Variants in MMP16 observed in about 807,000 individuals in gnomAD.
MMP16 encodes matrix metallopeptidase 16.
A neutral mutation model predicts 67.8 loss-of-function variants in MMP16; 12 were observed. That is an observed-to-expected ratio of 0.18 (90% CI 0.11 to 0.29). The LOEUF (loss-of-function observed/expected upper bound fraction) is 0.29, where lower values mean the gene tolerates loss of function less well. Ranked by LOEUF, MMP16 falls within the 10% of genes least tolerant of loss-of-function variation. The pLI is 1.00. For missense variants in MMP16, 475 were observed against 765.7 expected, an observed-to-expected ratio of 0.62 and a Z score of 4.48; for synonymous variants, 249 against 255.9, an observed-to-expected ratio of 0.97 and a Z score of 0.26.
chr8:88,192,052 A>C (rs1191715127), intron 2 of MMP16, among the ~76,000 whole-genome samples: 3 of 152,192 alleles, frequency 2.0e-5, no homozygotes, highest in African/African-American at 7.2e-5. Context: ...CCATACTTTC[A>C]CAAGTTTTAG....
intron 1 of MMP16, among the ~76,000 whole-genome samples, chr8:88,312,419 A>G (rs907497525): frequency 1.3e-5 from 2 of 152,178 alleles, no homozygotes; most frequent in African/African-American, 4.8e-5. Flanking sequence ...TTGGTTACTA[A>G]GAACCGGATT....
At chr8:88,082,750 G>T (rs966334055) in intron 6 of MMP16, among the ~76,000 whole-genome samples, 1 of 151,836 alleles carries the variant, frequency 6.6e-6, no homozygotes, top group East Asian at 1.9e-4. Context: ...ATGCAGGACA[G>T]ATTTCTCAGA....
At chr8:88,264,035 T>G (rs1190156179) in intron 1 of MMP16, among the ~76,000 whole-genome samples, 1 of 6,890 alleles carries the variant, frequency 1.5e-4, no homozygotes, top group Non-Finnish European at 6.7e-4. Flanking sequence ...AAATGGCACA[T>G]ATATATATAT....
At chr8:88,155,233 A>T (rs930113644) in intron 4 of MMP16, among the ~76,000 whole-genome samples, 14 of 152,092 alleles carry the variant, frequency 9.2e-5, no homozygotes, top group African/African-American at 3.4e-4. Context: ...GAATACTTTA[A>T]AACTACAGAT....
rs746220106 is a variant in MMP16 at position 88,327,215 on chromosome 8, G to A, written c.-9C>T. ...AATGTGAGTAAGATCATAGTGAACT[G>A]TGCTTCAATGGATGGACGAGCTCCC... On this transcript the variant is annotated 5_prime_UTR_variant, in exon 1 of 10. Coordinates refer to ENST00000286614, the MANE Select transcript of MMP16 (RefSeq NM_005941.5). The A allele has an allele frequency of 2.0e-5, 32 of 1,613,644 alleles. No individual in the cohort carries two copies. The highest frequency in any genetic ancestry group is 1.6e-4 in the Middle Eastern group (1 of 6,082).
At chr8:88,120,713 T>G (rs1209546528) in intron 4 of MMP16, among the ~76,000 whole-genome samples, 1 of 151,966 alleles carries the variant, frequency 6.6e-6, no homozygotes, top group Non-Finnish European at 1.5e-5. Context: ...ACACATGAAC[T>G]CAGTCAGAAG....
chr8:88,148,229 C>A (rs571690319), intron 4 of MMP16, among the ~76,000 whole-genome samples: 1 of 151,854 alleles, frequency 6.6e-6, no homozygotes, highest in Non-Finnish European at 1.5e-5. Context: ...CCATTTTTTC[C>A]TTTTTAAAGA....
intron 1 of MMP16, among the ~76,000 whole-genome samples, chr8:88,253,196 CTT>C (rs33965590): frequency 0.5 from 75,111 of 151,696 alleles, 20,419 homozygotes; most frequent in Non-Finnish European, 0.63. Context: ...TTAGACAACA[CTT>C]AATATTATTC....
chr8:88,262,509 T>G lies in MMP16; in HGVS notation c.132+64566A>C, dbSNP rs535733340. 7.9e-5 allele frequency among the ~76,000 whole-genome samples: 12 copies of G among 152,318 alleles called. No individual in the cohort carries two copies. In the East Asian group the frequency reaches 1.7e-3, roughly 22 times the overall value. ...TAGGCAGCAAGTACACACTTGAGGC[T>G]CCTCGCTAGCAGTATTGCTTACTAC... is the stretch of plus-strand genomic sequence containing the variant. On this transcript the variant is annotated intron_variant, in intron 1 of 9. Coordinates refer to ENST00000286614, the MANE Select transcript of MMP16 (RefSeq NM_005941.5).
intron 3 of MMP16, among the ~76,000 whole-genome samples, chr8:88,173,919 C>T (rs1422512654): frequency 1.3e-5 from 2 of 152,120 alleles, no homozygotes; most frequent in Non-Finnish European, 2.9e-5. Context: ...TAAGTGGGTT[C>T]TGCTTTTTCA....
At chr8:88,168,775 G>GA (rs978492189) in intron 3 of MMP16, among the ~76,000 whole-genome samples, 26 of 151,920 alleles carry the variant, frequency 1.7e-4, no homozygotes, top group African/African-American at 5.8e-4. Flanking sequence ...GCATGCATGT[G>GA]AAAAAAATGG....
At chr8:88,070,176 T>C (rs1808528541) in intron 7 of MMP16, among the ~76,000 whole-genome samples, 1 of 152,166 alleles carries the variant, frequency 6.6e-6, no homozygotes, top group Non-Finnish European at 1.5e-5. Context: ...TCCTGATCTT[T>C]TGGGGTATGC....
At chr8:88,198,577 A>G (rs1044402243) in intron 1 of MMP16, among the ~76,000 whole-genome samples, 23 of 152,146 alleles carry the variant, frequency 1.5e-4, no homozygotes, top group African/African-American at 5.5e-4. Context: ...TAGAAGTTAA[A>G]TTTCACCAAA....
At chr8:88,193,504 A>G (rs562597238) in intron 2 of MMP16, among the ~76,000 whole-genome samples, 1 of 152,258 alleles carries the variant, frequency 6.6e-6, no homozygotes, top group East Asian at 1.9e-4. Flanking sequence ...GTTAGATACA[A>G]TGAATAAGAG....
At chr8:88,264,068 AGTGTGT>A (rs71277993) in intron 1 of MMP16, among the ~76,000 whole-genome samples, 25,020 of 140,788 alleles carry the variant, frequency 0.18, 2,662 homozygotes, top group African/African-American at 0.3. Context: ...GGAGAGAGAG[AGTGTGT>A]GTGTGTGTGT....
intron 1 of MMP16, among the ~76,000 whole-genome samples, chr8:88,320,517 C>T (rs972583654): frequency 6.6e-6 from 1 of 152,092 alleles, no homozygotes; most frequent in Admixed American, 6.6e-5. Context: ...CTGCCATGCC[C>T]AGAACATTTT....
At chr8:88,184,100 C>T (rs1809028511) in intron 3 of MMP16, among the ~76,000 whole-genome samples, 1 of 151,940 alleles carries the variant, frequency 6.6e-6, no homozygotes, top group African/African-American at 2.4e-5. Flanking sequence ...TGGTAAATTT[C>T]CTTGGCTACT....
chr8:88,113,731 AT>A (rs1314679155), intron 6 of MMP16, among the ~76,000 whole-genome samples: 10 of 152,024 alleles, frequency 6.6e-5, no homozygotes, highest in African/African-American at 2.4e-4. Context: ...CTTCTGTGAC[AT>A]TCACAAGTGG....
intron 6 of MMP16, among the ~76,000 whole-genome samples, chr8:88,096,405 T>A (rs1809027225): frequency 6.6e-6 from 1 of 151,976 alleles, no homozygotes; most frequent in African/African-American, 2.4e-5. Context: ...TGGCTAATCA[T>A]AACTTCAGTG....
Sources: allele counts gnomAD v4.1 joint callset (sites outside exome capture counted in the v4.1 genomes callset), GRCh38; gene constraint gnomAD v4.1.1; transcripts MANE v1.5; gene names NCBI Gene and HGNC (gene_info 2026-07-23, HGNC 2026-07-21).